JARID2: variants seen among roughly 807,000 people sequenced by gnomAD.
The protein encoded by JARID2 is jumonji and AT-rich interaction domain containing 2.
A neutral mutation model predicts 125.6 loss-of-function variants in JARID2; 21 were observed. The ratio of observed to expected loss-of-function variants is 0.17; its 90% CI spans 0.12 to 0.24. The LOEUF (loss-of-function observed/expected upper bound fraction) is 0.24. Ranked by LOEUF, JARID2 falls within the 10% of genes least tolerant of loss-of-function variation. The pLI is 1.00. For missense variants in JARID2, 1,303 were observed against 1,639.6 expected (o/e 0.79, Z 3.55); for synonymous variants, 736 against 661.6 (o/e 1.11, Z -1.73).
At chr6:15,338,015 C>T (rs187924532) in intron 1 of JARID2, among the ~76,000 whole-genome samples, 213 of 152,316 alleles carry the variant, frequency 1.4e-3, no homozygotes, top group African/African-American at 4.8e-3. Flanking sequence ...GGAAGGACGC[C>T]ATGCTTCATG....
At chr6:15,273,839 G>C (rs985383732) in intron 1 of JARID2, among the ~76,000 whole-genome samples, 3 of 152,066 alleles carry the variant, frequency 2.0e-5, no homozygotes, top group African/African-American at 7.2e-5. Flanking sequence ...GACACCTAAA[G>C]ATTGGTGTCA....
intron 4 of JARID2, among the ~76,000 whole-genome samples, chr6:15,452,390 G>A (rs1196330827): frequency 6.6e-6 from 1 of 151,782 alleles, no homozygotes; most frequent in African/African-American, 2.4e-5. Flanking sequence ...TTTTTAATAT[G>A]ACTCTTAACA....
chr6:15,249,439 C>T (rs986910166), intron 1 of JARID2, among the ~76,000 whole-genome samples: 7 of 152,208 alleles, frequency 4.6e-5, no homozygotes, highest in African/African-American at 1.2e-4. Flanking sequence ...GAGAAGAGCA[C>T]AGGACTCCTT....
chr6:15,453,241 A>G (rs142127400), intron 4 of JARID2, among the ~76,000 whole-genome samples: 18 of 152,374 alleles, frequency 1.2e-4, no homozygotes, highest in South Asian at 4.1e-4. Context: ...GACCCAGTTC[A>G]GAATTAGGCG....
At chr6:15,372,617 G>A (rs1764212923) in intron 1 of JARID2, among the ~76,000 whole-genome samples, 1 of 152,116 alleles carries the variant, frequency 6.6e-6, no homozygotes, top group Non-Finnish European at 1.5e-5. Context: ...TCCTCTCAAA[G>A]TGCTGGGATT....
chr6:15,496,082 C>G lies in JARID2; in HGVS notation c.907-50C>G, dbSNP rs1400569779. 3 of 1,481,824 alleles carry G rather than the reference C, an allele frequency of 2.0e-6. No individual in the cohort carries two copies. The South Asian group carries it at 3.8e-5, about 19-fold the overall frequency. The allele number at this position is 1,481,824 out of a possible 1,614,324, so 91.8% of individuals were successfully genotyped here. ...ACGGGTGGGCCGGTCATTTTAGTGG[C>G]AGGTACTAATTCTGCGTTTTTTTCC... is the stretch of plus-strand genomic sequence containing the variant. On this transcript the variant is annotated intron_variant, in intron 6 of 17. Transcript: ENST00000341776.
intron 7 of JARID2, among the ~76,000 whole-genome samples, chr6:15,498,023 A>G (rs1195884616): frequency 6.6e-6 from 1 of 151,832 alleles, no homozygotes; most frequent in Admixed American, 6.6e-5. Context: ...TAACATAATT[A>G]CCCTTTTGAA....
intron 7 of JARID2, among the ~76,000 whole-genome samples, chr6:15,497,825 T>C (rs1164058867): frequency 1.3e-5 from 2 of 152,100 alleles, no homozygotes; most frequent in Non-Finnish European, 2.9e-5. Flanking sequence ...TTATAGAGGC[T>C]GGAAGCCCAA....
chr6:15,378,198 ATTTTT>A (rs66993753), intron 2 of JARID2, among the ~76,000 whole-genome samples: 1 of 140,996 alleles, frequency 7.1e-6, no homozygotes, highest in Non-Finnish European at 1.5e-5. Context: ...TCAATTTTTA[ATTTTT>A]TTTTTTTTTT....
At chr6:15,498,936 A>G (rs1440711937) in intron 7 of JARID2, among the ~76,000 whole-genome samples, 1 of 152,172 alleles carries the variant, frequency 6.6e-6, no homozygotes, top group Non-Finnish European at 1.5e-5. Context: ...AAACATTCCA[A>G]GTTTCCCTCC....
At chr6:15,372,774 A>G (rs1764221429) in intron 1 of JARID2, among the ~76,000 whole-genome samples, 1 of 151,130 alleles carries the variant, frequency 6.6e-6, no homozygotes, top group African/African-American at 2.4e-5. Context: ...AAGTGGCACG[A>G]TCTCAGCTCA....
At chr6:15,432,773 C>G (rs977769650) in intron 3 of JARID2, among the ~76,000 whole-genome samples, 1 of 152,210 alleles carries the variant, frequency 6.6e-6, no homozygotes, top group Non-Finnish European at 1.5e-5. Context: ...TGCAGAAGCA[C>G]AGGTTTTTGA....
intron 1 of JARID2, chr6:15,369,329 C>A: frequency 2.2e-6 from 1 of 461,044 alleles, no homozygotes; most frequent in Admixed American, 2.3e-5. Flanking sequence ...AAATTATGAC[C>A]ATATACAAGT....
At chr6:15,311,740 TTTTTTTTC>T (rs1762021233) in intron 1 of JARID2, among the ~76,000 whole-genome samples, 3 of 152,108 alleles carry the variant, frequency 2.0e-5, no homozygotes, top group South Asian at 4.1e-4. Context: ...TAACTGTTTT[TTTTTTTTC>T]TTTTTTCTTG....
chr6:15,491,023 A>G (rs1275703843), intron 6 of JARID2, among the ~76,000 whole-genome samples: 2 of 152,256 alleles, frequency 1.3e-5, no homozygotes, highest in Admixed American at 1.3e-4. Context: ...AGGTTTTCAT[A>G]TGAAAATGTA....
chr6:15,277,066 T>C (rs1760552754), intron 1 of JARID2, among the ~76,000 whole-genome samples: 1 of 152,164 alleles, frequency 6.6e-6, no homozygotes, highest in African/African-American at 2.4e-5. Flanking sequence ...TTTGTTGATT[T>C]TTTTCCATGG....
At chr6:15,295,200 C>T (rs1305204586) in intron 1 of JARID2, among the ~76,000 whole-genome samples, 3 of 148,634 alleles carry the variant, frequency 2.0e-5, no homozygotes, top group Non-Finnish European at 4.4e-5. Context: ...TGGCTCACTG[C>T]AAGCTCCGCT....
chr6:15,314,004 A>G (rs1052562509), intron 1 of JARID2, among the ~76,000 whole-genome samples: 11 of 152,152 alleles, frequency 7.2e-5, no homozygotes, highest in Admixed American at 6.5e-4. Flanking sequence ...ATTTGGGGAG[A>G]GGATACTGCA....
At position 15,487,330 on chromosome 6, in the gene JARID2, A is replaced by T. The variant is rs1255089024; in HGVS notation, c.694A>T (p.Thr232Ser). The change falls in exon 6 of 18, where the codon ACA becomes TCA. Residue 232 changes from threonine to serine, a missense_variant. By Grantham distance (58) the Thr-to-Ser change is moderately conservative. Coordinates refer to ENST00000341776, the MANE Select transcript of JARID2 (RefSeq NM_004973.4). ...AGTTTTCAATGGTTCCAGCAGGTCA[A>T]CACGGGAGAAGGAACCTGTTCAAAA... The part of the protein sequence containing the change: ...GHVFNGSSRS[T>S]REKEPVQKHK... The T allele has an allele frequency of 6.2e-7, 1 of 1,614,176 alleles. No individual in the cohort carries two copies. Among genetic ancestry groups the T allele is most frequent in the African/African-American group, 1.3e-5 (1 of 75,048 alleles).
Sources: gnomAD v4.1 joint callset for allele counts (sites outside exome capture counted in the v4.1 genomes callset) on GRCh38, gnomAD v4.1.1 for gene constraint, MANE v1.5 for transcripts, NCBI Gene and HGNC (gene_info 2026-07-23, HGNC 2026-07-21) for gene names.